MKRN2: variants seen among roughly 807,000 people sequenced by gnomAD.
The protein encoded by MKRN2 is E3 ubiquitin-protein ligase makorin-2.
Under a neutral mutation model 45.4 loss-of-function variants are expected in MKRN2, and 32 were observed. The ratio of observed to expected loss-of-function variants is 0.70; its 90% CI spans 0.53 to 0.95. The LOEUF is 0.95. Among genes scored for constraint, MKRN2 ranks in the 40% least tolerant of loss-of-function variants. The probability of loss-of-function intolerance (pLI) is 0.00; values close to 1 mark genes in which losing one functional copy is unlikely to be tolerated. For missense variants in MKRN2, 526 were observed against 536.7 expected, an observed-to-expected ratio of 0.98 and a Z score of 0.20; for synonymous variants, 206 against 192.4, an observed-to-expected ratio of 1.07 and a Z score of -0.59.
intron 1 of MKRN2, among the ~76,000 whole-genome samples, chr3:12,567,075 T>G (rs147149082): frequency 3.0e-4 from 45 of 152,342 alleles, no homozygotes; most frequent in African/African-American, 9.9e-4. Flanking sequence ...GGTCACATTA[T>G]TTTCTGCTTT....
intron 3 of MKRN2, 80 bp from the exon 4 acceptor site, chr3:12,571,989 A>T: frequency 7.2e-7 from 1 of 1,387,094 alleles, no homozygotes; most frequent in Non-Finnish European, 9.6e-7. Context: ...AGAGTAGCTT[A>T]ATATGTTAGG....
At chr3:12,575,729 A>G (rs146627187) in intron 5 of MKRN2, among the ~76,000 whole-genome samples, 96 of 152,334 alleles carry the variant, frequency 6.3e-4, no homozygotes, top group African/African-American at 2.3e-3. Context: ...TTCTGTCTCT[A>G]CAGAGTTGCC....
intron 1 of MKRN2, among the ~76,000 whole-genome samples, chr3:12,563,448 A>G (rs1409806210): frequency 6.8e-6 from 1 of 146,132 alleles, no homozygotes; most frequent in Non-Finnish European, 1.5e-5. Context: ...CCTCCCTGGC[A>G]TTCCTTGCAT....
chr3:12,576,411 G>A (rs548169947), intron 5 of MKRN2, among the ~76,000 whole-genome samples: 22 of 152,080 alleles, frequency 1.4e-4, no homozygotes, highest in African/African-American at 4.1e-4. Flanking sequence ...GACAGGCCCC[G>A]GTGTGTGATG....
intron 6 of MKRN2, among the ~76,000 whole-genome samples, chr3:12,579,649 A>G (rs994362704): frequency 4.6e-5 from 7 of 152,174 alleles, no homozygotes; most frequent in Non-Finnish European, 1.5e-5. Flanking sequence ...TGTAGGGGGA[A>G]GTGATGGAAG....
chr3:12,581,974 A>G (rs1216550786), intron 7 of MKRN2, 22 bp downstream of exon 7: 10 of 1,611,828 alleles, frequency 6.2e-6, no homozygotes, highest in Admixed American at 1.7e-5. Flanking sequence ...AGCCATCTCT[A>G]GTTGGGGACA....
Position 12,570,205 on chromosome 3 carries a change from A to T in MKRN2, c.290A>T (p.His97Leu), listed in dbSNP as rs371007781. Reference sequence around the variant, plus strand: ...GCATCCATTGTGAAAACTAACTCACATGAACCCGGAAAGCGTGAAAAGAGA... The same window carrying T: ...GCATCCATTGTGAAAACTAACTCACTTGAACCCGGAAAGCGTGAAAAGAGA... ...VTASIVKTNSHEPGKREKRTL... is the reference protein window; with the variant it reads ...VTASIVKTNSLEPGKREKRTL... Residue 97 changes from histidine (H) to leucine (L), a missense_variant, in exon 3 of 8, where the codon CAT becomes CTT. His to Leu is a moderately conservative substitution (Grantham distance 99). Coordinates refer to ENST00000170447, the MANE Select transcript of MKRN2 (RefSeq NM_014160.5). 6.2e-7 allele frequency: 1 copy of T among 1,614,090 alleles called. No individual in the cohort carries two copies. The highest frequency in any genetic ancestry group is 1.7e-5 in the Admixed American group (1 of 59,998).
chr3:12,574,705 G>A, intron 4 of MKRN2, 87 bp from the exon 5 acceptor site: 1 of 1,217,586 alleles, frequency 8.2e-7, no homozygotes, highest in Non-Finnish European at 1.2e-6. Context: ...GATCTCAGCT[G>A]TGGCAGTGTG....
intron 4 of MKRN2, 111 bp downstream of exon 4, chr3:12,572,484 C>A: frequency 9.7e-7 from 1 of 1,026,598 alleles, no homozygotes; most frequent in Non-Finnish European, 1.3e-6. Flanking sequence ...TACTAAGTGA[C>A]AGAATTGTTG....
chr3:12,578,552 G>A (rs761513586), intron 6 of MKRN2, among the ~76,000 whole-genome samples: 48 of 151,976 alleles, frequency 3.2e-4, no homozygotes, highest in Non-Finnish European at 6.2e-4. Context: ...CCTGAGCTCA[G>A]GCAATCCACC....
At chr3:12,580,907 C>T (rs2058173318) in intron 6 of MKRN2, among the ~76,000 whole-genome samples, 1 of 152,242 alleles carries the variant, frequency 6.6e-6, no homozygotes, top group African/African-American at 2.4e-5. Context: ...ACCCCAGCTG[C>T]CCCTGACAGC....
chr3:12,574,122 A>T (rs2058116721), intron 4 of MKRN2, among the ~76,000 whole-genome samples: 1 of 152,092 alleles, frequency 6.6e-6, no homozygotes, highest in Admixed American at 6.5e-5. Flanking sequence ...GGACAAGGAG[A>T]CACTCTCCAT....
In MKRN2 at chr3:12,569,407, G is replaced by A. The variant is rs181165041; in HGVS notation, c.155+404G>A. ...TAACTCCTGACCTCGTGATCCTCCC[G>A]CCTCAGCTTCCCAAAGTGCTGGAAT... On this transcript the variant is annotated intron_variant, in intron 2 of 7. Coordinates refer to ENST00000170447, the MANE Select transcript of MKRN2 (RefSeq NM_014160.5). Among the ~76,000 whole-genome samples, 373 of 151,258 alleles carry A rather than the reference G, an allele frequency of 2.5e-3. 2 individuals are homozygous for A. The highest frequency in any genetic ancestry group is 3.9e-3 in the Non-Finnish European group (267 of 67,882).
In MKRN2 at chr3:12,582,309, A is replaced by G; in HGVS notation, c.*56A>G. 1.2e-6 allele frequency: 2 copies of G among 1,607,070 alleles called. No homozygotes were observed. Among genetic ancestry groups the G allele is most frequent in the South Asian group, 1.1e-5 (1 of 90,814 alleles). On this transcript the variant is annotated 3_prime_UTR_variant, in exon 8 of 8. Coordinates refer to ENST00000170447, the MANE Select transcript of MKRN2 (RefSeq NM_014160.5). ...CCATCGGCCGAAACTTTCCCAAGCC[A>G]GGGTGTGCGGAGCTTCCCTGTACTG...
chr3:12,581,275 A>C (rs2058176714), intron 6 of MKRN2, among the ~76,000 whole-genome samples: 1 of 152,200 alleles, frequency 6.6e-6, no homozygotes, highest in Non-Finnish European at 1.5e-5. Context: ...CCTGGTGCCG[A>C]GGTTGGAGAC....
intron 1 of MKRN2, among the ~76,000 whole-genome samples, chr3:12,563,073 A>T (rs1427669174): frequency 6.6e-6 from 1 of 152,198 alleles, no homozygotes; most frequent in Non-Finnish European, 1.5e-5. Context: ...GTAGGCCACA[A>T]GAGGGTGTTT....
chr3:12,572,846 A>C (rs2058108194), intron 4 of MKRN2, among the ~76,000 whole-genome samples: 1 of 152,142 alleles, frequency 6.6e-6, no homozygotes, highest in Non-Finnish European at 1.5e-5. Context: ...TGGCCTCCCA[A>C]AGTGCTGGGA....
intron 1 of MKRN2, among the ~76,000 whole-genome samples, chr3:12,562,252 C>CGCT (rs1418832298): frequency 2.0e-5 from 3 of 152,150 alleles, no homozygotes; most frequent in African/African-American, 7.2e-5. Flanking sequence ...CTACATTGTA[C>CGCT]ATCAGTTTAG....
At chr3:12,567,245 A>G (rs566846365) in intron 1 of MKRN2, among the ~76,000 whole-genome samples, 6 of 150,728 alleles carry the variant, frequency 4.0e-5, no homozygotes, top group African/African-American at 1.2e-4. Flanking sequence ...GGGTGTGTCT[A>G]AAATACTTCT....
Sources: gnomAD v4.1 joint callset for allele counts (sites outside exome capture counted in the v4.1 genomes callset) on GRCh38, gnomAD v4.1.1 for gene constraint, MANE v1.5 for transcripts, NCBI Gene and HGNC (gene_info 2026-07-23, HGNC 2026-07-21) for gene names.